ADGRL2: variants seen among roughly 807,000 people sequenced by gnomAD.
The protein encoded by ADGRL2 is calcium-independent alpha-latrotoxin receptor 2.
In ADGRL2, 44 loss-of-function variants were observed where a neutral mutation model predicts 157.4. The observed-to-expected ratio is 0.28, with a 90% CI of 0.22 to 0.36. The LOEUF (loss-of-function observed/expected upper bound fraction) is 0.36. Among genes scored for constraint, ADGRL2 ranks in the 10% least tolerant of loss-of-function variants. The probability of loss-of-function intolerance (pLI) is 1.00; values close to 1 mark genes in which losing one functional copy is unlikely to be tolerated. For synonymous variants in ADGRL2, 585 were observed against 624.7 expected, an observed-to-expected ratio of 0.94 and a Z score of 0.95; for missense variants, 1,510 against 1,768.9, an observed-to-expected ratio of 0.85 and a Z score of 2.63.
intron 3 of ADGRL2, among the ~76,000 whole-genome samples, chr1:81,642,090 A>AG (rs2082229271): frequency 6.6e-6 from 1 of 151,298 alleles, no homozygotes. Context: ...ACATACAAAA[A>AG]AAAAAAAATT....
At chr1:81,780,181 C>G (rs543503434) in intron 2 of ADGRL2, among the ~76,000 whole-genome samples, 7 of 152,250 alleles carry the variant, frequency 4.6e-5, no homozygotes, top group Non-Finnish European at 7.4e-5. Context: ...CCAGCAAGGA[C>G]TATATACCTG....
intron 1 of ADGRL2, among the ~76,000 whole-genome samples, chr1:81,827,753 T>G (rs1319085824): frequency 6.6e-6 from 1 of 151,944 alleles, no homozygotes; most frequent in East Asian, 1.9e-4. Context: ...TTAGTAGAGA[T>G]GGGATTTCAC....
intron 2 of ADGRL2, among the ~76,000 whole-genome samples, chr1:81,772,461 G>A (rs1263116720): frequency 1.3e-5 from 2 of 151,962 alleles, no homozygotes; most frequent in African/African-American, 4.8e-5. Context: ...GGGCACCACG[G>A]CTCACACCTG....
intron 1 of ADGRL2, among the ~76,000 whole-genome samples, chr1:81,362,495 C>A (rs1255606217): frequency 6.6e-6 from 1 of 151,670 alleles, no homozygotes; most frequent in Non-Finnish European, 1.5e-5. Flanking sequence ...TATGCTAATT[C>A]CTCCACAAGA....
chr1:81,339,870 A>T (rs760030958), intron 1 of ADGRL2, among the ~76,000 whole-genome samples: 1 of 152,170 alleles, frequency 6.6e-6, no homozygotes, highest in Non-Finnish European at 1.5e-5. Flanking sequence ...CTCAGCCATG[A>T]GTTCTCTTAA....
chr1:81,821,655 G>A (rs1479034940), intron 1 of ADGRL2, among the ~76,000 whole-genome samples: 2 of 152,004 alleles, frequency 1.3e-5, no homozygotes, highest in African/African-American at 4.8e-5. Flanking sequence ...TCATACATTC[G>A]AGCTGTAGGG....
rs114187899 is a variant in ADGRL2 at position 81,739,369 on chromosome 1, G to A, written c.-142-22442G>A. Among the ~76,000 whole-genome samples, 413 of 152,278 alleles carry A rather than the reference G, an allele frequency of 2.7e-3. 1 individual carries two copies. The highest frequency in any genetic ancestry group is 9.2e-3 in the African/African-American group (384 of 41,558). ...ATTATACATGTATGCATCTACAACA[G>A]TACCAGCATATAGTAATTGCCCAAT... is the stretch of plus-strand genomic sequence containing the variant. On this transcript the variant is annotated intron_variant, in intron 1 of 20. Transcript: ENST00000359929.
At chr1:81,831,010 A>G (rs2091906710) in intron 1 of ADGRL2, among the ~76,000 whole-genome samples, 1 of 152,152 alleles carries the variant, frequency 6.6e-6, no homozygotes, top group Admixed American at 6.5e-5. Context: ...GTGATTTATG[A>G]ACAAAGGATC....
intron 2 of ADGRL2, among the ~76,000 whole-genome samples, chr1:81,472,348 G>A (rs1386922823): frequency 3.3e-5 from 5 of 152,164 alleles, no homozygotes; most frequent in African/African-American, 4.8e-5. Context: ...CATTTAGGCC[G>A]TGCACCATGG....
In ADGRL2 at chr1:81,817,485, T is replaced by A. The variant is rs549905467; in HGVS notation, c.-101+16417T>A. On this transcript the variant is annotated intron_variant, in intron 1 of 23. Transcript: ENST00000686636. ...TATATGTAAATAATACACATTTTTTTAAAAAATTGAAGATCGTTCTCAATT... is the reference window on the plus strand; with the variant it reads ...TATATGTAAATAATACACATTTTTTAAAAAAATTGAAGATCGTTCTCAATT... 7.9e-4 allele frequency among the ~76,000 whole-genome samples: 120 copies of A among 152,166 alleles called. 1 individual carries two copies. The South Asian group carries it at 0.016, about 20-fold the overall frequency.
intron 2 of ADGRL2, among the ~76,000 whole-genome samples, chr1:81,556,399 A>AC (rs2080280509): frequency 7.0e-6 from 1 of 143,370 alleles, no homozygotes; most frequent in African/African-American, 2.7e-5. Context: ...GCTCGCTGCA[A>AC]CCTCCACCTC....
At chr1:81,472,018 C>T (rs1372969543) in intron 2 of ADGRL2, among the ~76,000 whole-genome samples, 1 of 152,076 alleles carries the variant, frequency 6.6e-6, no homozygotes, top group African/African-American at 2.4e-5. Flanking sequence ...TAACTTTTTC[C>T]TGAACATACC....
rs1429132411 is a variant in ADGRL2 at position 81,936,849 on chromosome 1, G to C, written c.397+12G>C. On this transcript the variant is annotated intron_variant, in intron 4 of 23. Coordinates refer to ENST00000686636, the MANE Select transcript of ADGRL2 (RefSeq NM_001366006.2). ...ATGTGTCCCTTACAGTAAGTATGCAGTTTATATTTTTTTACACTTTGCCCA... is the reference window on the plus strand; with the variant it reads ...ATGTGTCCCTTACAGTAAGTATGCACTTTATATTTTTTTACACTTTGCCCA... 3.3e-6 allele frequency: 5 copies of C among 1,509,230 alleles called. No individual in the cohort carries two copies. In the East Asian group the frequency reaches 1.1e-4, roughly 34 times the overall value. 93.5% of individuals were successfully genotyped at this position (1,509,230 alleles called of 1,614,324 possible). A position where few individuals can be genotyped will look rare whatever the true frequency, so the allele number is the denominator to read the frequency against.
At chr1:81,888,388 T>C (rs1355610593) in intron 2 of ADGRL2, among the ~76,000 whole-genome samples, 2 of 152,190 alleles carry the variant, frequency 1.3e-5, no homozygotes, top group African/African-American at 4.8e-5. Context: ...GTCCGGCATA[T>C]AGGAAAACCT....
chr1:81,363,311 T>C (rs548572834), intron 1 of ADGRL2, among the ~76,000 whole-genome samples: 1 of 152,200 alleles, frequency 6.6e-6, no homozygotes, highest in South Asian at 2.1e-4. Context: ...AAGGGTAACT[T>C]AGTCATTATT....
intron 2 of ADGRL2, among the ~76,000 whole-genome samples, chr1:81,542,958 G>A (rs1307546382): frequency 6.6e-6 from 1 of 150,868 alleles, no homozygotes; most frequent in Non-Finnish European, 1.5e-5. Flanking sequence ...GTTTATGTTA[G>A]CTAACAAGTT....
chr1:81,682,490 A>G (rs1048916864), intron 3 of ADGRL2, among the ~76,000 whole-genome samples: 1 of 152,052 alleles, frequency 6.6e-6, no homozygotes, highest in Non-Finnish European at 1.5e-5. Context: ...GTCTCTTTGG[A>G]TGTGAGGCTA....
intron 3 of ADGRL2, among the ~76,000 whole-genome samples, chr1:81,583,700 T>C (rs1197989320): frequency 6.6e-6 from 1 of 152,116 alleles, no homozygotes; most frequent in African/African-American, 2.4e-5. Context: ...TTGAAAACAA[T>C]ACGTTTTCAA....
chr1:81,631,834 C>G (rs2082016211), intron 3 of ADGRL2, among the ~76,000 whole-genome samples: 1 of 152,152 alleles, frequency 6.6e-6, no homozygotes, highest in Admixed American at 6.5e-5. Context: ...AAATCACACA[C>G]TGGAGCATTT....
Sources: allele counts gnomAD v4.1 joint callset (sites outside exome capture counted in the v4.1 genomes callset), GRCh38; gene constraint gnomAD v4.1.1; transcripts MANE v1.5; gene names NCBI Gene and HGNC (gene_info 2026-07-23, HGNC 2026-07-21).